The following TEX11 variants were observed in gnomAD, a reference collection of about 807,000 sequenced individuals.
The protein encoded by TEX11 is testis expressed 11, also known as testis-expressed protein 11.
TEX11 carries 7 observed loss-of-function variants against 84.4 expected under a neutral mutation model. The observed-to-expected ratio is 0.08, with a 90% CI of 0.05 to 0.16. The LOEUF is 0.16. Among genes scored for constraint, TEX11 ranks in the 10% least tolerant of loss-of-function variants. The probability of loss-of-function intolerance (pLI) is 1.00; values close to 1 mark genes in which losing one functional copy is unlikely to be tolerated. For synonymous variants in TEX11, 264 were observed against 222.8 expected, an observed-to-expected ratio of 1.18 and a Z score of -1.64; for missense variants, 551 against 660.5, an observed-to-expected ratio of 0.83 and a Z score of 1.82.
chrX:70,759,877 C>T (rs1224773286), intron 9 of TEX11, among the ~76,000 whole-genome samples: 1 of 111,676 alleles, frequency 9.0e-6, no homozygotes. Context: ...ATCCTCTCAG[C>T]CCTAAATCTC....
At chrX:70,748,410 G>C (rs2090784254) in intron 9 of TEX11, among the ~76,000 whole-genome samples, 1 of 111,701 alleles carries the variant, frequency 9.0e-6, no homozygotes, top group Non-Finnish European at 1.9e-5. Context: ...AGAGTTCATG[G>C]AGTAAAGAAG....
At chrX:70,893,028 C>G (rs1208116860) in intron 2 of TEX11, among the ~76,000 whole-genome samples, 1 of 111,212 alleles carries the variant, frequency 9.0e-6, no homozygotes, top group Non-Finnish European at 1.9e-5. Context: ...GCACCCAATA[C>G]AGGAGCACCC....
At chrX:70,517,162 A>G in the TEX11 span, among the ~76,000 whole-genome samples, 1 of 111,628 alleles carries the variant, frequency 9.0e-6, no homozygotes, top group East Asian at 2.8e-4. Flanking sequence ...CCCTATGTTG[A>G]ATAGGACTGG....
chrX:70,621,908 G>A (rs1047284004), intron 20 of TEX11, among the ~76,000 whole-genome samples: 1 of 109,837 alleles, frequency 9.1e-6, no homozygotes, highest in African/African-American at 3.3e-5. Context: ...AATCTAGGAA[G>A]GGTCCATTAA....
At chrX:70,663,324 T>C (rs1288544539) in intron 16 of TEX11, among the ~76,000 whole-genome samples, 1 of 111,802 alleles carries the variant, frequency 8.9e-6, no homozygotes, top group Non-Finnish European at 1.9e-5. Context: ...GGTCAAATAA[T>C]TAAGAAAGGG....
chrX:70,703,416 G>A (rs1279980070), intron 13 of TEX11, among the ~76,000 whole-genome samples: 1 of 111,190 alleles, frequency 9.0e-6, no homozygotes, highest in Non-Finnish European at 1.9e-5. Flanking sequence ...GAATTGCTAG[G>A]ATTTGAAACC....
chrX:70,883,766 G>T (rs1652802212), intron 2 of TEX11, among the ~76,000 whole-genome samples: 1 of 112,035 alleles, frequency 8.9e-6, no homozygotes, highest in Admixed American at 9.5e-5. Flanking sequence ...AAAACTGGGG[G>T]TTCACTCGAT....
At chrX:70,617,499 T>C (rs1030059150) in intron 20 of TEX11, among the ~76,000 whole-genome samples, 3 of 108,177 alleles carry the variant, frequency 2.8e-5, no homozygotes, top group African/African-American at 1.0e-4. Context: ...TACTCAGCCA[T>C]AAAAGGAATG....
chrX:70,725,160 C>G (rs1331011472), intron 12 of TEX11, 102 bp downstream of exon 12: 11 of 440,756 alleles, frequency 2.5e-5, no homozygotes, highest in Non-Finnish European at 4.0e-5. Flanking sequence ...TCTCAGCCAC[C>G]ATCAAATTAC....
At chrX:70,807,249 AT>A (rs78390199) in intron 8 of TEX11, among the ~76,000 whole-genome samples, 26,680 of 106,852 alleles carry the variant, frequency 0.25, 2,687 homozygotes, top group Admixed American at 0.42. Context: ...GAAATGAATG[AT>A]TTTTTTTTTT....
intron 20 of TEX11, among the ~76,000 whole-genome samples, chrX:70,614,139 C>A (rs2089292966): frequency 9.0e-6 from 1 of 111,289 alleles, no homozygotes; most frequent in Admixed American, 9.5e-5. Context: ...TGGTGAGAGA[C>A]TCCTTCTGCT....
At chrX:70,681,490 A>G (rs1278348104) in intron 14 of TEX11, among the ~76,000 whole-genome samples, 1 of 112,365 alleles carries the variant, frequency 8.9e-6, no homozygotes, top group Non-Finnish European at 1.9e-5. Flanking sequence ...TAAAAAGTAA[A>G]CAAACTTCCT....
At chrX:70,729,309 G>A (rs1250792359) in intron 11 of TEX11, among the ~76,000 whole-genome samples, 2 of 112,631 alleles carry the variant, frequency 1.8e-5, no homozygotes, top group East Asian at 2.8e-4. Context: ...AAAGCTGGAT[G>A]GAGAATGACT....
intron 17 of TEX11, among the ~76,000 whole-genome samples, chrX:70,651,161 T>C (rs1217508723): frequency 8.9e-6 from 1 of 112,174 alleles, no homozygotes; most frequent in African/African-American, 3.2e-5. Context: ...TTTGAATAGG[T>C]TGGTTTAAAT....
intron 25 of TEX11, among the ~76,000 whole-genome samples, chrX:70,567,012 C>A (rs867635743): frequency 4.8e-4 from 54 of 111,412 alleles, no homozygotes; most frequent in Middle Eastern, 4.6e-3. Flanking sequence ...TGGTAGAATT[C>A]GGCTGTGAAT....
chrX:70,846,956 C>T (rs373828115), intron 7 of TEX11, among the ~76,000 whole-genome samples: 2 of 111,381 alleles, frequency 1.8e-5, no homozygotes, highest in South Asian at 7.7e-4. Context: ...AGATGTGATG[C>T]CCCAATTTTG....
intron 9 of TEX11, among the ~76,000 whole-genome samples, chrX:70,794,464 A>G (rs1159596169): frequency 9.0e-6 from 1 of 110,500 alleles, no homozygotes; most frequent in Non-Finnish European, 1.9e-5. Flanking sequence ...CAGTAAACTT[A>G]GGGGGCATGT....
intron 7 of TEX11, among the ~76,000 whole-genome samples, chrX:70,837,350 G>C (rs747923725): frequency 9.0e-6 from 1 of 111,100 alleles, no homozygotes; most frequent in East Asian, 2.8e-4. Context: ...CTTGAGGCCA[G>C]GAGTTTGAAA....
chrX:70,530,033 A>T (rs775111134), intron 28 of TEX11, 34 bp from the exon 29 acceptor site: 1 of 1,133,134 alleles, frequency 8.8e-7, no homozygotes, highest in Non-Finnish European at 1.2e-6. Context: ...TGCAGTTATT[A>T]CTGTCACAGT....
Sources: allele counts gnomAD v4.1 joint callset (sites outside exome capture counted in the v4.1 genomes callset), GRCh38; gene constraint gnomAD v4.1.1; transcripts MANE v1.5; gene names NCBI Gene and HGNC (gene_info 2026-07-23, HGNC 2026-07-21).